SCUBE1: variants seen among roughly 807,000 people sequenced by gnomAD.
SCUBE1 encodes signal peptide, CUB domain and EGF like domain containing 1, also known as signal peptide, CUB and EGF-like domain-containing protein 1.
In SCUBE1, 59 loss-of-function variants were observed where a neutral mutation model predicts 124.4. The observed-to-expected ratio is 0.47, with a 90% CI of 0.38 to 0.59. The LOEUF (loss-of-function observed/expected upper bound fraction) is 0.59. Among genes scored for constraint, SCUBE1 ranks in the 20% least tolerant of loss-of-function variants. SCUBE1 has a pLI of 0.00. For missense variants in SCUBE1, 1,150 were observed against 1,371.2 expected (o/e 0.84, Z 2.55); for synonymous variants, 545 against 550.9 (o/e 0.99, Z 0.15).
intron 15 of SCUBE1, among the ~76,000 whole-genome samples, chr22:43,217,498 C>T (rs1921883969): frequency 6.6e-6 from 1 of 152,082 alleles, no homozygotes; most frequent in Non-Finnish European, 1.5e-5. Context: ...ATGCTCCTCC[C>T]CGTCCTTGCT....
At chr22:43,278,441 A>G (rs567350702) in intron 4 of SCUBE1, among the ~76,000 whole-genome samples, 1 of 152,222 alleles carries the variant, frequency 6.6e-6, no homozygotes, top group African/African-American at 2.4e-5. Context: ...CAGCACTCAC[A>G]GTTGATAATG....
intron 10 of SCUBE1, among the ~76,000 whole-genome samples, chr22:43,223,822 A>G (rs866303122): frequency 1.3e-5 from 2 of 152,224 alleles, no homozygotes; most frequent in African/African-American, 4.8e-5. Context: ...AAGCCACCTC[A>G]TGAGTGACAG....
chr22:43,233,258 G>C (rs1234308528), intron 7 of SCUBE1, among the ~76,000 whole-genome samples: 3 of 152,238 alleles, frequency 2.0e-5, no homozygotes, highest in African/African-American at 7.2e-5. Context: ...CAGCTACCCG[G>C]GAAGCTGAGG....
chr22:43,213,012 A>G, intron 16 of SCUBE1: 1 of 224,220 alleles, frequency 4.5e-6, no homozygotes, highest in Non-Finnish European at 8.8e-6. Context: ...TGCCTGGTCT[A>G]CCAGCAGGGC....
rs1292107108 is a variant in SCUBE1, at chr22:43,238,887, G to A, written c.795C>T (p.Cys265=). The A allele has an allele frequency of 1.9e-6, 3 of 1,613,184 alleles. No individual in the cohort carries two copies. The highest frequency in any genetic ancestry group is 1.3e-5 in the African/African-American group (1 of 75,062). ...GCAGTGTGAATCCAACGGGGCAGCT[G>A]CATCGCACGCCAGTGGCTGTGTCCT... ...TCKDTATGVR[C]SCPVGFTLQP... Residue 265 remains cysteine, a synonymous_variant, in exon 7 of 22, where the codon TGC becomes TGT. Transcript: ENST00000360835.
At chr22:43,313,571 A>T (rs1926242937) in intron 3 of SCUBE1, among the ~76,000 whole-genome samples, 1 of 152,266 alleles carries the variant, frequency 6.6e-6, no homozygotes, top group South Asian at 2.1e-4. Context: ...TTTTTCAAAC[A>T]GAACTACTGC....
At chr22:43,272,142 C>T (rs1381411398) in intron 4 of SCUBE1, among the ~76,000 whole-genome samples, 1 of 152,190 alleles carries the variant, frequency 6.6e-6, no homozygotes, top group Non-Finnish European at 1.5e-5. Context: ...CGTCGTCCTT[C>T]TCACTGCCCC....
intron 2 of SCUBE1, among the ~76,000 whole-genome samples, chr22:43,328,356 T>G (rs1342061626): frequency 6.6e-6 from 1 of 152,048 alleles, no homozygotes; most frequent in Non-Finnish European, 1.5e-5. Context: ...AGGCCCCTAT[T>G]CCACCCTCCT....
chr22:43,301,527 C>T (rs11912506), intron 3 of SCUBE1, among the ~76,000 whole-genome samples: 2,153 of 152,274 alleles, frequency 0.014, 25 homozygotes, highest in African/African-American at 0.029. Context: ...TGTCTTGGCA[C>T]GGCTGCCTCC....
At chr22:43,242,761 A>G (rs1445322727) in intron 6 of SCUBE1, among the ~76,000 whole-genome samples, 1 of 152,168 alleles carries the variant, frequency 6.6e-6, no homozygotes, top group Non-Finnish European at 1.5e-5. Flanking sequence ...CAGCCTGTAG[A>G]CAAAAGCTAC....
At chr22:43,288,630 T>G (rs1449683233) in intron 4 of SCUBE1, among the ~76,000 whole-genome samples, 1 of 152,210 alleles carries the variant, frequency 6.6e-6, no homozygotes, top group African/African-American at 2.4e-5. Context: ...GGCTTTCTCA[T>G]CAGCTCCAGC....
chr22:43,204,942 A>C (rs1440737758), intron 21 of SCUBE1, among the ~76,000 whole-genome samples: 9 of 121,722 alleles, frequency 7.4e-5, no homozygotes, highest in Non-Finnish European at 1.5e-4. Context: ...AGACTGTCTC[A>C]AAAAAAAAAA....
intron 4 of SCUBE1, among the ~76,000 whole-genome samples, chr22:43,284,338 C>T (rs993585509): frequency 2.0e-5 from 3 of 152,250 alleles, no homozygotes; most frequent in African/African-American, 7.2e-5. Flanking sequence ...GCGTGCCACA[C>T]TGCAGAAAAT....
intron 3 of SCUBE1, among the ~76,000 whole-genome samples, chr22:43,313,119 G>A (rs112480143): frequency 6.0e-4 from 92 of 152,288 alleles, no homozygotes; most frequent in South Asian, 5.2e-3. Context: ...ACAGCATCCC[G>A]GGCAAATCCA....
In SCUBE1 at chr22:43,210,073, A is replaced by G. The variant is rs1231875493; in HGVS notation, c.2551T>C (p.Cys851Arg). 2 of 1,612,096 alleles carry G rather than the reference A, an allele frequency of 1.2e-6. No homozygotes were observed. Among genetic ancestry groups the G allele is most frequent in the Non-Finnish European group, 8.5e-7 (1 of 1,179,336 alleles). ...TTCCTCATGACCAGAACATCGCCGC[A>G]CTCATCCTCGATGGGCAGGAAGATC... ...PEIFLPIEDE[C>R]GDVLVMRKSA... Residue 851 changes from cysteine (C) to arginine (R), a missense_variant, in exon 19 of 22, where the codon TGC (cysteine) becomes CGC (arginine). Transcript: ENST00000360835. This position sits in a 1 kb window ranked among gnomAD's most constrained non-coding sequence, Gnocchi z 4.5.
intron 3 of SCUBE1, among the ~76,000 whole-genome samples, chr22:43,306,032 T>C (rs1455366890): frequency 2.6e-5 from 4 of 152,188 alleles, no homozygotes; most frequent in Non-Finnish European, 1.5e-5. Context: ...AGCTGGAACC[T>C]GTCCCGGTGC....
At chr22:43,315,919 A>T (rs1212865596) in intron 3 of SCUBE1, among the ~76,000 whole-genome samples, 1 of 152,242 alleles carries the variant, frequency 6.6e-6, no homozygotes, top group African/African-American at 2.4e-5. Context: ...GTAGCCAAGA[A>T]CAGGGTATTT....
intron 8 of SCUBE1, among the ~76,000 whole-genome samples, chr22:43,229,700 T>G (rs184699676): frequency 6.6e-6 from 1 of 152,238 alleles, no homozygotes; most frequent in Non-Finnish European, 1.5e-5. Context: ...AGAGGAAATA[T>G]GCCACCCATA....
chr22:43,321,993 A>G (rs941141806), intron 2 of SCUBE1, among the ~76,000 whole-genome samples: 6 of 151,944 alleles, frequency 3.9e-5, no homozygotes, highest in African/African-American at 1.2e-4. Context: ...TTATTTATTT[A>G]TTTATTTTTT....
Sources: gnomAD v4.1 joint callset for allele counts (sites outside exome capture counted in the v4.1 genomes callset) on GRCh38, gnomAD v4.1.1 for gene constraint, Gnocchi (gnomAD v3.1) non-coding constraint, MANE v1.5 for transcripts, NCBI Gene and HGNC (gene_info 2026-07-23, HGNC 2026-07-21) for gene names.